Variants in FAT3 observed in about 807,000 individuals in gnomAD.
FAT3 encodes the protein FAT atypical cadherin 3, also known as protocadherin Fat 3.
A neutral mutation model predicts 310.2 loss-of-function variants in FAT3; 95 were observed. That is an observed-to-expected ratio of 0.31 (90% CI 0.26 to 0.36). The LOEUF (loss-of-function observed/expected upper bound fraction) is 0.36, where lower values mean the gene tolerates loss of function less well. Among genes scored for constraint, FAT3 ranks in the 10% least tolerant of loss-of-function variants. FAT3 has a pLI of 1.00. For synonymous variants in FAT3, 2,314 were observed against 2,192.9 expected (o/e 1.06, Z -1.54); for missense variants, 5,408 against 5,715.6 (o/e 0.95, Z 1.74).
At chr11:92,295,909 A>G (rs1185898691) in intron 1 of FAT3, among the ~76,000 whole-genome samples, 1 of 152,100 alleles carries the variant, frequency 6.6e-6, no homozygotes, top group Non-Finnish European at 1.5e-5. Context: ...TCAGATTTCA[A>G]TGTATAACCT....
intron 2 of FAT3, among the ~76,000 whole-genome samples, chr11:92,399,803 C>G (rs1949968602): frequency 6.6e-6 from 1 of 152,130 alleles, no homozygotes; most frequent in African/African-American, 2.4e-5. Flanking sequence ...CACAGACAGC[C>G]TAGATGTTTT....
Position 92,493,044 on chromosome 11 carries a change from A to G in FAT3, c.3293-31590A>G, listed in dbSNP as rs1952654625. The stretch of plus-strand genomic sequence containing the variant: ...CTCCCTCAAACTTAAGTAGATTTCA[A>G]ACGACTTGTCATTCTCAAGGTGAAA... On this transcript the variant is annotated intron_variant, in intron 2 of 27. Transcript: ENST00000525166. 2.6e-5 allele frequency among the ~76,000 whole-genome samples: 4 copies of G among 152,192 alleles called. No individual in the cohort carries two copies. In the South Asian group the frequency reaches 8.3e-4, roughly 32 times the overall value.
chr11:92,384,348 C>T, intron 2 of FAT3, among the ~76,000 whole-genome samples: 2 of 151,866 alleles, frequency 1.3e-5, no homozygotes, highest in African/African-American at 2.4e-5. Flanking sequence ...GAGTTGTTAC[C>T]CTAAAGAGAA....
At chr11:92,485,903 T>G (rs1017130014) in intron 2 of FAT3, among the ~76,000 whole-genome samples, 1 of 152,090 alleles carries the variant, frequency 6.6e-6, no homozygotes, top group East Asian at 1.9e-4. Flanking sequence ...TGAATCTTTT[T>G]CTAGATTAAT....
intron 2 of FAT3, among the ~76,000 whole-genome samples, chr11:92,374,544 A>G (rs1451161093): frequency 6.6e-6 from 1 of 152,218 alleles, no homozygotes; most frequent in Non-Finnish European, 1.5e-5. Flanking sequence ...ATTTGCCACA[A>G]ACTCTGATAA....
At chr11:92,314,586 G>A (rs577302208) in intron 1 of FAT3, among the ~76,000 whole-genome samples, 1 of 152,242 alleles carries the variant, frequency 6.6e-6, no homozygotes, top group East Asian at 1.9e-4. Flanking sequence ...GCAGTTACAG[G>A]CTGCCAGTAC....
At chr11:92,399,561 G>A (rs997410886) in intron 2 of FAT3, among the ~76,000 whole-genome samples, 41 of 152,082 alleles carry the variant, frequency 2.7e-4, no homozygotes, top group African/African-American at 9.7e-4. Flanking sequence ...CTAGTTTGGG[G>A]AACAAACTCA....
intron 1 of FAT3, among the ~76,000 whole-genome samples, chr11:92,236,460 C>T (rs532661782): frequency 1.3e-5 from 2 of 152,140 alleles, no homozygotes; most frequent in Non-Finnish European, 2.9e-5. Context: ...AACACGTGAG[C>T]AGGTGCGTGT....
intron 2 of FAT3, among the ~76,000 whole-genome samples, chr11:92,405,926 T>C (rs547120762): frequency 2.6e-5 from 4 of 152,238 alleles, no homozygotes; most frequent in Non-Finnish European, 5.9e-5. Context: ...CTGCTTTCTT[T>C]AGCAAAATTG....
intron 2 of FAT3, among the ~76,000 whole-genome samples, chr11:92,405,512 G>A (rs914826255): frequency 7.9e-5 from 12 of 152,274 alleles, no homozygotes; most frequent in South Asian, 2.1e-4. Context: ...ATCCCAGCAC[G>A]TGGGGAGGCC....
At chr11:92,566,586 C>T (rs1955457612) in intron 3 of FAT3, among the ~76,000 whole-genome samples, 1 of 151,660 alleles carries the variant, frequency 6.6e-6, no homozygotes, top group South Asian at 2.1e-4. Flanking sequence ...CCAAGTCAAT[C>T]CTAAGCCAAA....
At chr11:92,514,617 T>A (rs1285186789) in intron 2 of FAT3, among the ~76,000 whole-genome samples, 1 of 152,156 alleles carries the variant, frequency 6.6e-6, no homozygotes, top group African/African-American at 2.4e-5. Context: ...ATCACTCATT[T>A]CTACTCCCAC....
intron 2 of FAT3, among the ~76,000 whole-genome samples, chr11:92,415,217 T>C (rs1028612103): frequency 2.0e-5 from 3 of 152,208 alleles, no homozygotes; most frequent in African/African-American, 7.2e-5. Flanking sequence ...GTTCTCTTTA[T>C]AAGTTACAAA....
At position 92,580,770 on chromosome 11, in the gene FAT3, T is replaced by C. The variant is rs575517116; in HGVS notation, c.3607+55822T>C. 3.3e-5 allele frequency among the ~76,000 whole-genome samples: 5 copies of C among 152,190 alleles called. No individual in the cohort carries two copies. In the South Asian group the frequency reaches 1.0e-3, roughly 32 times the overall value. On this transcript the variant is annotated intron_variant, in intron 3 of 27. Transcript: ENST00000525166. ...TTCTGGCTATCCCCACTTTTGCCAT[T>C]GTGGTCTGGCCTTCTCTTGGGGATA...
At chr11:92,694,906 CT>C (rs1943895254) in intron 3 of FAT3, among the ~76,000 whole-genome samples, 1 of 152,202 alleles carries the variant, frequency 6.6e-6, no homozygotes. Context: ...GAAAGAGCCT[CT>C]GTGACATATG....
chr11:92,529,578 T>A (rs1416406007), intron 3 of FAT3, among the ~76,000 whole-genome samples: 1 of 152,168 alleles, frequency 6.6e-6, no homozygotes, highest in African/African-American at 2.4e-5. Flanking sequence ...CAATCTTCCT[T>A]CTGAGAGACC....
chr11:92,873,460 G>T (rs964550254), intron 22 of FAT3, among the ~76,000 whole-genome samples: 2 of 152,188 alleles, frequency 1.3e-5, no homozygotes, highest in African/African-American at 2.4e-5. Flanking sequence ...TATCAAGGCA[G>T]CCAAACCTGA....
intron 3 of FAT3, among the ~76,000 whole-genome samples, chr11:92,626,471 CTT>C (rs72017730): frequency 6.9e-5 from 10 of 145,470 alleles, no homozygotes; most frequent in Middle Eastern, 3.6e-3. Context: ...TAGCGTATCT[CTT>C]TTTTTTTTTT....
chr11:92,705,835 G>T (rs796527269), intron 4 of FAT3, among the ~76,000 whole-genome samples: 2 of 62,888 alleles, frequency 3.2e-5, no homozygotes, highest in Admixed American at 2.9e-4. Flanking sequence ...GGTGGTGATG[G>T]TGGTGGTGTG....
Sources: gnomAD v4.1 joint callset for allele counts (sites outside exome capture counted in the v4.1 genomes callset) on GRCh38, gnomAD v4.1.1 for gene constraint, MANE v1.5 for transcripts, NCBI Gene and HGNC (gene_info 2026-07-23, HGNC 2026-07-21) for gene names.